The following TTLL5 variants were observed in gnomAD, a reference collection of about 807,000 sequenced individuals.
TTLL5 encodes tubulin tyrosine ligase like 5.
TTLL5 carries 132 observed loss-of-function variants against 168.4 expected under a neutral mutation model. That is an observed-to-expected ratio of 0.78 (90% confidence interval 0.68 to 0.91). The LOEUF (loss-of-function observed/expected upper bound fraction) is 0.91, where lower values mean the gene tolerates loss of function less well. Among genes scored for constraint, TTLL5 ranks in the 40% least tolerant of loss-of-function variants. TTLL5 has a pLI of 0.00. For missense variants in TTLL5, 1,545 were observed against 1,581.5 expected, an observed-to-expected ratio of 0.98 and a Z score of 0.39; for synonymous variants, 546 against 558.6, an observed-to-expected ratio of 0.98 and a Z score of 0.32.
chr14:75,741,977 C>G (rs1441156120), intron 15 of TTLL5, among the ~76,000 whole-genome samples: 1 of 152,010 alleles, frequency 6.6e-6, no homozygotes, highest in African/African-American at 2.4e-5. Flanking sequence ...TTTCTAGAAG[C>G]CAGGAATATT....
At chr14:75,674,366 C>T (rs1398406106) in intron 3 of TTLL5, among the ~76,000 whole-genome samples, 1 of 152,196 alleles carries the variant, frequency 6.6e-6, no homozygotes, top group Non-Finnish European at 1.5e-5. Context: ...TCTTAAATAG[C>T]TGACACAGAT....
At chr14:75,940,017 C>T (rs979863427) in intron 31 of TTLL5, among the ~76,000 whole-genome samples, 2 of 151,542 alleles carry the variant, frequency 1.3e-5, no homozygotes, top group Non-Finnish European at 2.9e-5. Context: ...ATTTATAGCT[C>T]GTAGCATTGT....
At chr14:75,877,494 GT>G (rs1237901754) in intron 29 of TTLL5, among the ~76,000 whole-genome samples, 2 of 152,250 alleles carry the variant, frequency 1.3e-5, no homozygotes, top group South Asian at 4.2e-4. Context: ...TCAAACTGTG[GT>G]TTTTCTCTGA....
At chr14:75,743,575 C>CTTTTTTTTT (rs33959405) in intron 15 of TTLL5, among the ~76,000 whole-genome samples, 4 of 63,112 alleles carry the variant, frequency 6.3e-5, no homozygotes, top group South Asian at 8.1e-4. Flanking sequence ...TGGCATCGCT[C>CTTTTTTTTT]TTTTTTTTTT....
At chr14:75,901,300 C>T (rs2032911047) in intron 30 of TTLL5, among the ~76,000 whole-genome samples, 1 of 152,140 alleles carries the variant, frequency 6.6e-6, no homozygotes, top group Non-Finnish European at 1.5e-5. Context: ...TACACAGTTT[C>T]ATAATTATAA....
chr14:75,825,587 T>A (rs1895074416), intron 28 of TTLL5, among the ~76,000 whole-genome samples: 1 of 152,136 alleles, frequency 6.6e-6, no homozygotes, highest in Admixed American at 6.6e-5. Flanking sequence ...AGTTTGGAGC[T>A]TATAATTTTG....
chr14:75,808,249 G>A (rs1362690007), intron 27 of TTLL5, among the ~76,000 whole-genome samples: 1 of 152,098 alleles, frequency 6.6e-6, no homozygotes, highest in Admixed American at 6.5e-5. Flanking sequence ...GAAAATGATG[G>A]AGCTCAGCAG....
intron 3 of TTLL5, among the ~76,000 whole-genome samples, chr14:75,677,872 C>T (rs1884303164): frequency 6.6e-6 from 1 of 151,806 alleles, no homozygotes; most frequent in African/African-American, 2.4e-5. Flanking sequence ...TCTCAAGCAG[C>T]CCTCCAGCTC....
At chr14:75,730,936 T>C (rs1461978385) in intron 12 of TTLL5, among the ~76,000 whole-genome samples, 1 of 152,106 alleles carries the variant, frequency 6.6e-6, no homozygotes, top group Non-Finnish European at 1.5e-5. Context: ...GCCAGGGTGG[T>C]CTCAAACTCC....
intron 30 of TTLL5, among the ~76,000 whole-genome samples, chr14:75,888,661 C>G (rs1323336849): frequency 6.6e-6 from 1 of 152,094 alleles, no homozygotes; most frequent in Admixed American, 6.5e-5. Flanking sequence ...TCAGGCTGGG[C>G]ATGGTGGCTC....
At chr14:75,749,845 G>A (rs1393802392) in intron 17 of TTLL5, among the ~76,000 whole-genome samples, 3 of 151,934 alleles carry the variant, frequency 2.0e-5, no homozygotes, top group Admixed American at 2.0e-4. Context: ...TGGTTCTTTG[G>A]TGTATAAAAT....
chr14:75,849,899 G>A (rs550507243), intron 28 of TTLL5, among the ~76,000 whole-genome samples: 1 of 152,108 alleles, frequency 6.6e-6, no homozygotes, highest in South Asian at 2.1e-4. Context: ...CAAGGAGTTC[G>A]AGGCCACCCT....
chr14:75,801,703 T>A lies in TTLL5; in HGVS notation c.3171+8603T>A, dbSNP rs1893335341. 2.0e-5 allele frequency among the ~76,000 whole-genome samples: 3 copies of A among 152,362 alleles called. No individual in the cohort carries two copies. The South Asian group carries it at 6.2e-4, about 32-fold the overall frequency. ...TTCCTTAATTTGGAATTTGGAAAAT[T>A]CTGTCATTGATTATTCTTTTTCTGG... On this transcript the variant is annotated intron_variant, in intron 27 of 31. Transcript: ENST00000298832.
Position 75,830,746 on chromosome 14 carries a change from T to C in TTLL5, c.3326+10585T>C, listed in dbSNP as rs564190808. On this transcript the variant is annotated intron_variant, in intron 28 of 31. Transcript: ENST00000298832. The stretch of plus-strand genomic sequence containing the variant: ...TAAGTGTATGTTGTCTTATTCATTA[T>C]TGTATCCCAGTGCCTTGGTAAGCAG... Among the ~76,000 whole-genome samples, 17 of 152,376 alleles carry C rather than the reference T, an allele frequency of 1.1e-4. No homozygotes were observed. In the East Asian group the frequency reaches 2.9e-3, roughly 26 times the overall value.
At chr14:75,864,540 T>C (rs577437197) in intron 29 of TTLL5, among the ~76,000 whole-genome samples, 2 of 152,276 alleles carry the variant, frequency 1.3e-5, no homozygotes, top group African/African-American at 4.8e-5. Context: ...TGCCAGAAAC[T>C]ACTGAGTGAG....
chr14:75,926,924 G>A (rs1368900372), intron 31 of TTLL5, among the ~76,000 whole-genome samples: 1 of 152,222 alleles, frequency 6.6e-6, no homozygotes, highest in Non-Finnish European at 1.5e-5. Context: ...ATGTTAGCCA[G>A]AAAATGAAGT....
chr14:75,763,904 T>C (rs2140295787), intron 18 of TTLL5, among the ~76,000 whole-genome samples: 1 of 152,314 alleles, frequency 6.6e-6, no homozygotes. Flanking sequence ...TGCCTCTGAC[T>C]GTAACTCCAG....
At chr14:75,704,949 A>G (rs1040559016) in intron 7 of TTLL5, among the ~76,000 whole-genome samples, 5 of 152,258 alleles carry the variant, frequency 3.3e-5, no homozygotes, top group African/African-American at 1.2e-4. Context: ...GACCACTATC[A>G]GCATATTCTC....
At position 75,683,685 on chromosome 14, in the gene TTLL5, A is replaced by G. The variant is rs780470184; in HGVS notation, c.371+29A>G. 6 of 1,564,808 alleles carry G rather than the reference A, an allele frequency of 3.8e-6. No homozygotes were observed. The South Asian group carries it at 4.4e-5, about 12-fold the overall frequency. On this transcript the variant is annotated intron_variant, in intron 5 of 31. Transcript: ENST00000298832. ...ATGCTCTTTGTAGCTGCTTTGCTTC[A>G]TTTAAAGGTACATGACATTGGGGCA...
Sources: allele counts gnomAD v4.1 joint callset (sites outside exome capture counted in the v4.1 genomes callset), GRCh38; gene constraint gnomAD v4.1.1; transcripts MANE v1.5; gene names NCBI Gene and HGNC (gene_info 2026-07-23, HGNC 2026-07-21).